Variants in KIAA0513 observed in about 807,000 individuals in gnomAD.
The protein encoded by KIAA0513 is KIAA0513, also known as uncharacterized protein KIAA0513.
A neutral mutation model predicts 56.5 loss-of-function variants in KIAA0513; 39 were observed. That is an observed-to-expected ratio of 0.69 (90% CI 0.53 to 0.90). KIAA0513 has a LOEUF of 0.90. Among genes scored for constraint, KIAA0513 ranks in the 40% least tolerant of loss-of-function variants. KIAA0513 has a pLI of 0.00. For synonymous variants in KIAA0513, 268 were observed against 215.6 expected (o/e 1.24, Z -2.13); for missense variants, 591 against 535.2 (o/e 1.10, Z -1.03).
At chr16:85,074,135 C>T (rs1215702324) in intron 4 of KIAA0513, among the ~76,000 whole-genome samples, 2 of 151,838 alleles carry the variant, frequency 1.3e-5, no homozygotes, top group African/African-American at 4.8e-5. Flanking sequence ...CTATCATGCC[C>T]AGCTAATTTT....
chr16:85,069,156 G>A (rs553782132), intron 2 of KIAA0513, among the ~76,000 whole-genome samples: 57 of 151,476 alleles, frequency 3.8e-4, no homozygotes, highest in Middle Eastern at 6.9e-3. Flanking sequence ...GCAGCCTCCC[G>A]AGTAGCTGGG....
chr16:85,034,553 C>T (rs1303880846), intron 1 of KIAA0513, among the ~76,000 whole-genome samples: 1 of 152,046 alleles, frequency 6.6e-6, no homozygotes, highest in African/African-American at 2.4e-5. Context: ...CCTTAGACTT[C>T]ACTCGGTAGG....
intron 7 of KIAA0513, 141 bp downstream of exon 7, chr16:85,078,596 C>A: frequency 1.3e-6 from 1 of 772,214 alleles, no homozygotes. Flanking sequence ...AGTTGCTTCC[C>A]AGCTCCCGTG....
chr16:85,079,340 A>G, intron 8 of KIAA0513: 1 of 295,898 alleles, frequency 3.4e-6, no homozygotes, highest in Admixed American at 4.5e-5. Flanking sequence ...AACCTTGTAC[A>G]CAAATGTCTG....
At chr16:85,047,223 G>C (rs556172402) in intron 1 of KIAA0513, among the ~76,000 whole-genome samples, 2 of 152,270 alleles carry the variant, frequency 1.3e-5, no homozygotes, top group African/African-American at 4.8e-5. Flanking sequence ...TGTGGGCCCC[G>C]GGCATGCTCC....
intron 1 of KIAA0513, among the ~76,000 whole-genome samples, chr16:85,051,688 G>T (rs1299291109): frequency 6.6e-6 from 1 of 152,000 alleles, no homozygotes; most frequent in East Asian, 1.9e-4. Flanking sequence ...TTACCCCCAT[G>T]GTAAATTTCA....
intron 1 of KIAA0513, among the ~76,000 whole-genome samples, chr16:85,065,531 G>A (rs1475200594): frequency 6.6e-6 from 1 of 152,200 alleles, no homozygotes; most frequent in Non-Finnish European, 1.5e-5. Context: ...CTGACTCAGG[G>A]TATTTAAAAA....
intron 1 of KIAA0513, among the ~76,000 whole-genome samples, chr16:85,056,262 G>C (rs2073327776): frequency 6.6e-6 from 1 of 152,200 alleles, no homozygotes; most frequent in African/African-American, 2.4e-5. Flanking sequence ...CCCACCCTTT[G>C]CTCCTTCCCA....
chr16:85,063,577 T>C (rs2073436305), intron 1 of KIAA0513: 1 of 152,232 alleles, frequency 6.6e-6, no homozygotes, highest in African/African-American at 2.4e-5. Context: ...CAGCTTGATC[T>C]TGAACCTCCT....
At chr16:85,047,657 G>C (rs2073190078) in intron 1 of KIAA0513, among the ~76,000 whole-genome samples, 1 of 152,190 alleles carries the variant, frequency 6.6e-6, no homozygotes, top group South Asian at 2.1e-4. Context: ...TGGGGACCAG[G>C]GCACCAGAGA....
intron 2 of KIAA0513, among the ~76,000 whole-genome samples, chr16:85,071,549 A>C (rs890752654): frequency 6.6e-6 from 1 of 152,180 alleles, no homozygotes; most frequent in African/African-American, 2.4e-5. Context: ...ACTCTGGTTC[A>C]CCACTCTCAA....
chr16:85,072,849 G>A, intron 3 of KIAA0513, 76 bp from the exon 4 acceptor site: 1 of 1,399,866 alleles, frequency 7.1e-7, no homozygotes, highest in Admixed American at 1.7e-5. Flanking sequence ...CACTGAGAGT[G>A]CAAAGCCTGC....
intron 1 of KIAA0513, among the ~76,000 whole-genome samples, chr16:85,046,679 C>T (rs1003701881): frequency 3.3e-5 from 5 of 152,200 alleles, no homozygotes; most frequent in South Asian, 2.1e-4. Context: ...GGGTTCTCTC[C>T]GTGTTCACTG....
chr16:85,057,575 G>A (rs2073347354), intron 1 of KIAA0513, among the ~76,000 whole-genome samples: 1 of 152,172 alleles, frequency 6.6e-6, no homozygotes, highest in Non-Finnish European at 1.5e-5. Context: ...GCCTGACCCT[G>A]TTCCAGTCCC....
At chr16:85,045,975 C>T (rs12599502) in intron 1 of KIAA0513, among the ~76,000 whole-genome samples, 11,393 of 152,122 alleles carry the variant, frequency 0.075, 826 homozygotes, top group East Asian at 0.29. Context: ...CTCAAAGGGA[C>T]GACCACCCGA....
intron 4 of KIAA0513, among the ~76,000 whole-genome samples, chr16:85,073,539 G>A (rs927984885): frequency 1.1e-4 from 16 of 152,300 alleles, no homozygotes; most frequent in African/African-American, 3.6e-4. Context: ...CTCTGCCCCC[G>A]CTCACCTGTG....
intron 1 of KIAA0513, among the ~76,000 whole-genome samples, chr16:85,034,668 G>A (rs928883753): frequency 6.6e-6 from 1 of 152,142 alleles, no homozygotes; most frequent in Non-Finnish European, 1.5e-5. Context: ...TTGTTATTAT[G>A]GCTCATATTT....
intron 1 of KIAA0513, among the ~76,000 whole-genome samples, chr16:85,032,227 C>A (rs1263319680): frequency 6.6e-6 from 1 of 152,234 alleles, no homozygotes; most frequent in African/African-American, 2.4e-5. Flanking sequence ...ACATGGCCTA[C>A]TTGTCCCTGC....
chr16:85,064,886 T>C (rs1276739429), intron 1 of KIAA0513, among the ~76,000 whole-genome samples: 1 of 152,180 alleles, frequency 6.6e-6, no homozygotes, highest in Admixed American at 6.5e-5. Context: ...GGTTTCACCA[T>C]GTTGCCCAGG....
Sources: gnomAD v4.1 joint callset for allele counts (sites outside exome capture counted in the v4.1 genomes callset) on GRCh38, gnomAD v4.1.1 for gene constraint, MANE v1.5 for transcripts, NCBI Gene and HGNC (gene_info 2026-07-23, HGNC 2026-07-21) for gene names.